ZBTB4: variants seen among roughly 807,000 people sequenced by gnomAD.
The protein encoded by ZBTB4 is zinc finger and BTB domain-containing protein 4.
In ZBTB4, 14 loss-of-function variants were observed where a neutral mutation model predicts 59.8. That is an observed-to-expected ratio of 0.23 (90% CI 0.15 to 0.37). The LOEUF is 0.37. Ranked by LOEUF, ZBTB4 falls within the 10% of genes least tolerant of loss-of-function variation. ZBTB4 has a pLI of 1.00. For missense variants in ZBTB4, 1,198 were observed against 1,380.8 expected (o/e 0.87, Z 2.10); for synonymous variants, 587 against 575.2 (o/e 1.02, Z -0.29).
At position 7,463,531 on chromosome 17, in the gene ZBTB4, T is replaced by G; in HGVS notation, c.1451A>C (p.His484Pro). 6.3e-7 allele frequency: 1 copy of G among 1,581,064 alleles called. No individual in the cohort carries two copies. The highest frequency in any genetic ancestry group is 1.2e-5 in the South Asian group (1 of 85,470). The stretch of plus-strand genomic sequence containing the variant: ...CCCTCCACCACTGCTACTGCCCCCA[T>G]GGACAATGACAGAGGGGGCTGGGTG... ...FAHPAPSVIV[H>P]GGSSSGGGGS... Residue 484 changes from histidine (H) to proline (P), a missense_variant, in exon 4 of 4, where the codon CAT becomes CCT. Physicochemically the swap from His to Pro is moderately conservative, Grantham distance 77. Transcript: ENST00000380599.
chr17:7,461,980 C>A lies in ZBTB4; in HGVS notation c.3002G>T (p.Arg1001Met). Residue 1001 changes from arginine (R) to methionine (M), a missense_variant, in exon 4 of 4, where the codon AGG (arginine) becomes ATG (methionine). Arg to Met is a moderately conservative substitution (Grantham distance 91, BLOSUM62 -1). Transcript: ENST00000380599. ...PPIPPKGEGE[R>M]AGVERTQKGD... is the part of the protein sequence containing the mutation. ...CTTCTGGGTTCTCTCAACCCCTGCC[C>A]TTTCCCCTTCTCCCTTAGGGGGAAT... 1.3e-6 allele frequency: 2 copies of A among 1,589,872 alleles called. No individual in the cohort carries two copies. Among genetic ancestry groups the A allele is most frequent in the Non-Finnish European group, 1.7e-6 (2 of 1,166,716 alleles).
In ZBTB4 at chr17:7,466,357, C is replaced by T. The variant is rs367695666; in HGVS notation, c.445G>A (p.Ala149Thr). Residue 149 changes from alanine to threonine, a missense_variant, in exon 3 of 4, where the codon GCA becomes ACA. Physicochemically the swap from Ala to Thr is moderately conservative, Grantham distance 58. Transcript: ENST00000380599. The surrounding 1 kb of genome is among the most constrained non-coding windows in gnomAD (Gnocchi z 9.1). ...VLNFIYSARLALPGGGGDGAA... is the reference protein window; with the variant it reads ...VLNFIYSARLTLPGGGGDGAA... ...CCGTCCCCTCCACCACCAGGCAGTGCGAGCCGGGCGCTGTAGATGAAGTTG... is the reference window on the plus strand; with the variant it reads ...CCGTCCCCTCCACCACCAGGCAGTGTGAGCCGGGCGCTGTAGATGAAGTTG... 27 of 1,613,894 alleles carry T rather than the reference C, an allele frequency of 1.7e-5. No individual in the cohort carries two copies. Among genetic ancestry groups the T allele is most frequent in the Middle Eastern group, 3.3e-4 (2 of 6,084 alleles).
At chr17:7,480,589 G>A (rs1018906953), upstream of ZBTB4, among the ~76,000 whole-genome samples, 10 of 152,064 alleles carry the variant, frequency 6.6e-5, no homozygotes, top group Admixed American at 5.9e-4. Flanking sequence ...GCGTGGTGGC[G>A]GGCGCCTGTG....
In ZBTB4 at chr17:7,466,840, G is replaced by C. The variant is rs777813358; in HGVS notation, c.-9-30C>G. On this transcript the variant is annotated intron_variant, in intron 2 of 3. Coordinates refer to ENST00000380599, the MANE Select transcript of ZBTB4 (RefSeq NM_001128833.2). This position sits in a 1 kb window ranked among gnomAD's most constrained non-coding sequence, Gnocchi z 9.1. ...ACAGTGGGAGAAGAGGCCGGGTAGAGTCTCAGAGGCTGGGCAGAGGGCAGG... is the reference window on the plus strand; with the variant it reads ...ACAGTGGGAGAAGAGGCCGGGTAGACTCTCAGAGGCTGGGCAGAGGGCAGG... The C allele has an allele frequency of 6.7e-7, 1 of 1,494,046 alleles. No homozygotes were observed. The highest frequency in any genetic ancestry group is 1.4e-5 in the African/African-American group (1 of 72,396). The allele number at this position is 1,494,046 out of a possible 1,614,324, so 92.5% of individuals were successfully genotyped here.
In ZBTB4 at chr17:7,461,999, G is replaced by A. The variant is rs2070026990; in HGVS notation, c.2983C>T (p.Pro995Ser). The A allele has an allele frequency of 1.9e-6, 3 of 1,601,982 alleles. No individual in the cohort carries two copies. Among genetic ancestry groups the A allele is most frequent in the African/African-American group, 1.3e-5 (1 of 74,824 alleles). Residue 995 changes from proline (P) to serine (S), a missense_variant, in exon 4 of 4, where the codon CCT (proline) becomes TCT (serine). By Grantham distance (74) the Pro-to-Ser change is moderately conservative. Around this residue, in one of 9 missense-constraint regions of ZBTB4, gnomAD observed 211 missense variants for 236.1 expected, o/e 0.89. Transcript: ENST00000380599. ...CCTGCCCTTTCCCCTTCTCCCTTAG[G>A]GGGAATTGGTGGAGGAAGAGTTGGG... ...PPPTLPPPIPPKGEGERAGVE... is the reference protein window; with the variant it reads ...PPPTLPPPIPSKGEGERAGVE...
At position 7,462,779 on chromosome 17, in the gene ZBTB4, A is replaced by T; in HGVS notation, c.2203T>A (p.Phe735Ile). ...RHRCGDCAQT[F>I]TTLRKLRKHQ... The stretch of plus-strand genomic sequence containing the variant: ...TTCCGCAGCTTTCTCAGGGTGGTGA[A>T]GGTCTGGGCACAGTCCCCGCATCGG... The change falls in exon 4 of 4, where the codon TTC (phenylalanine) becomes ATC (isoleucine). Residue 735 changes from phenylalanine to isoleucine, a missense_variant. This residue lies in a region of ZBTB4 where 550 missense variants were observed against 541.8 expected (regional missense o/e 1.02). Coordinates refer to ENST00000380599, the MANE Select transcript of ZBTB4 (RefSeq NM_001128833.2). The surrounding 1 kb of genome is among the most constrained non-coding windows in gnomAD (Gnocchi z 7.5). 6.2e-7 allele frequency: 1 copy of T among 1,602,448 alleles called. No individual in the cohort carries two copies. The highest frequency in any genetic ancestry group is 8.5e-7 in the Non-Finnish European group (1 of 1,179,814).
At chr17:7,483,320 G>A (rs2070371736), upstream of ZBTB4, 2 of 467,458 alleles carry the variant, frequency 4.3e-6, no homozygotes, top group African/African-American at 2.0e-5. Flanking sequence ...GCAGCAAAGA[G>A]AAGAGCATTG....
At chr17:7,464,979 AC>A (rs1488841645) in intron 3 of ZBTB4, among the ~76,000 whole-genome samples, 147 of 149,122 alleles carry the variant, frequency 9.9e-4, no homozygotes, top group African/African-American at 3.4e-3. Flanking sequence ...ACACGGTGAA[AC>A]CCCGTCTCTA....
At chr17:7,474,782 C>T (rs773312908) in intron 1 of ZBTB4, among the ~76,000 whole-genome samples, 10 of 151,874 alleles carry the variant, frequency 6.6e-5, no homozygotes, top group Middle Eastern at 3.4e-3. Flanking sequence ...GAGGCTGAGG[C>T]GGGCAGATCA....
chr17:7,478,803 C>T (rs1468628796), intron 1 of ZBTB4, among the ~76,000 whole-genome samples: 1 of 152,220 alleles, frequency 6.6e-6, no homozygotes, highest in Non-Finnish European at 1.5e-5. Context: ...GACACCCTTC[C>T]TGGCTTTCTA....
Position 7,461,653 on chromosome 17 carries a change from T to C in ZBTB4, c.*287A>G, listed in dbSNP as rs1303052937. ...TGAGTAGAGATTCAGGTTAAGTATA[T>C]TGCTCAGTTGCCCCAAGGGCTGGAG... On this transcript the variant is annotated 3_prime_UTR_variant, in exon 4 of 4. Transcript: ENST00000380599. 1 of 341,460 alleles carries C rather than the reference T, an allele frequency of 2.9e-6. No homozygotes were observed. Among genetic ancestry groups the C allele is most frequent in the African/African-American group, 2.1e-5 (1 of 46,654 alleles). 21.2% of individuals were successfully genotyped at this position (341,460 alleles called of 1,614,324 possible). A position where few individuals can be genotyped will look rare whatever the true frequency, so the allele number is the denominator to read the frequency against.
In ZBTB4 at chr17:7,461,683, G is replaced by A. The variant is rs2070022496; in HGVS notation, c.*257C>T. 2.5e-6 allele frequency: 1 copy of A among 400,410 alleles called. No homozygotes were observed. The highest frequency in any genetic ancestry group is 4.1e-5 in the Admixed American group (1 of 24,496). The allele number at this position is 400,410 out of a possible 1,614,324, so 24.8% of individuals were successfully genotyped here. A position where few individuals can be genotyped will look rare whatever the true frequency, so the allele number is the denominator to read the frequency against. On this transcript the variant is annotated 3_prime_UTR_variant, in exon 4 of 4. Transcript: ENST00000380599. ...CAGTTGCCCCAAGGGCTGGAGAAGG[G>A]ATGGAAGCTGGCCCTGCCCCTCATG...
chr17:7,463,067 C>T lies in ZBTB4; in HGVS notation c.1915G>A (p.Asp639Asn), dbSNP rs1567684221. ...SGEEMEESEE[D>N]EEEEDEEEEE... Reference sequence around the variant, plus strand: ...TCCTCTTCGTCCTCCTCCTCTTCGTCCTCCTCACTCTCCTCCATCTCCTCT... The same window carrying T: ...TCCTCTTCGTCCTCCTCCTCTTCGTTCTCCTCACTCTCCTCCATCTCCTCT... The change falls in exon 4 of 4, where the codon GAC becomes AAC. Residue 639 changes from aspartate (D) to asparagine (N), a missense_variant. Around this residue, in one of 9 missense-constraint regions of ZBTB4, gnomAD observed 550 missense variants for 541.8 expected, o/e 1.02. Coordinates refer to ENST00000380599, the MANE Select transcript of ZBTB4 (RefSeq NM_001128833.2). 6.2e-7 allele frequency: 1 copy of T among 1,611,484 alleles called. No individual in the cohort carries two copies.
At chr17:7,468,113 G>A (rs560259877) in intron 1 of ZBTB4, among the ~76,000 whole-genome samples, 5 of 152,378 alleles carry the variant, frequency 3.3e-5, no homozygotes, top group South Asian at 2.1e-4. Flanking sequence ...GCTCACGCCC[G>A]TAATCCCAGC....
At chr17:7,476,882 C>T (rs908523267) in intron 1 of ZBTB4, among the ~76,000 whole-genome samples, 1 of 152,216 alleles carries the variant, frequency 6.6e-6, no homozygotes, top group African/African-American at 2.4e-5. Context: ...AAAGGACCAT[C>T]CACTGAATGT....
At chr17:7,469,317 C>A (rs970675443) in intron 1 of ZBTB4, among the ~76,000 whole-genome samples, 2 of 152,114 alleles carry the variant, frequency 1.3e-5, no homozygotes, top group Non-Finnish European at 2.9e-5. Context: ...CAGGCGTCCG[C>A]CGCCATGCCT....
In ZBTB4 at chr17:7,462,850, G is replaced by T. The variant is rs1469570093; in HGVS notation, c.2132C>A (p.Pro711Gln). The change falls in exon 4 of 4, where the codon CCA (proline) becomes CAA (glutamine). Residue 711 changes from proline to glutamine, a missense_variant. By Grantham distance (76) the Pro-to-Gln change is moderately conservative. This residue lies in a region of ZBTB4 where 550 missense variants were observed against 541.8 expected (regional missense o/e 1.02). Transcript: ENST00000380599. The surrounding 1 kb of genome is among the most constrained non-coding windows in gnomAD (Gnocchi z 7.5). The stretch of plus-strand genomic sequence containing the variant: ...ACGTCCCGCTGGGCTCTCGGCCGCT[G>T]GGGTTTCCTCCCAGCTCCTCCGTTC... ...KLERRSWEET[P>Q]AAESPAGRAR... is the part of the protein sequence containing the mutation. The T allele has an allele frequency of 6.2e-7, 1 of 1,604,522 alleles. No homozygotes were observed. Among genetic ancestry groups the T allele is most frequent in the African/African-American group, 1.3e-5 (1 of 75,058 alleles).
rs1567684044 is a variant in ZBTB4, at chr17:7,462,976, GAGT to G, written c.2003_2005del (p.Tyr668del). ...TCCAGCCTTGCGCTTAGGCTTGTAG[GAGT>G]AGTAGGGCCTCCAGAGCTGGTCCTC... On this transcript the variant is annotated inframe_deletion, in exon 4 of 4. Coordinates refer to ENST00000380599, the MANE Select transcript of ZBTB4 (RefSeq NM_001128833.2). This position sits in a 1 kb window ranked among gnomAD's most constrained non-coding sequence, Gnocchi z 7.5. 1 of 1,608,726 alleles carries G rather than the reference GAGT, an allele frequency of 6.2e-7. No homozygotes were observed.
At position 7,461,829 on chromosome 17, in the gene ZBTB4, C is replaced by T; in HGVS notation, c.*111G>A. 9.8e-7 allele frequency: 1 copy of T among 1,016,436 alleles called. No homozygotes were observed. Among genetic ancestry groups the T allele is most frequent in the South Asian group, 1.8e-5 (1 of 54,200 alleles). The allele number at this position is 1,016,436 out of a possible 1,614,324, so 63.0% of individuals were successfully genotyped here. A position where few individuals can be genotyped will look rare whatever the true frequency, so the allele number is the denominator to read the frequency against. On this transcript the variant is annotated 3_prime_UTR_variant, in exon 4 of 4. Transcript: ENST00000380599. ...CTGAGCTCCAGGGGCCCCCAAGTCC[C>T]TGCACAAGAGTGTGAAGGGGCTCCC...
Sources: gnomAD v4.1 joint callset for allele counts (sites outside exome capture counted in the v4.1 genomes callset) on GRCh38, gnomAD v4.1.1 for gene constraint, gnomAD v4.1.1 regional missense constraint, Gnocchi (gnomAD v3.1) non-coding constraint, MANE v1.5 for transcripts, NCBI Gene and HGNC (gene_info 2026-07-23, HGNC 2026-07-21) for gene names.